PCDHGA2: variants seen among roughly 807,000 people sequenced by gnomAD.
PCDHGA2 encodes protocadherin gamma-A2.
PCDHGA2 carries 40 observed loss-of-function variants against 59.2 expected under a neutral mutation model. The observed-to-expected ratio is 0.68, with a 90% CI of 0.52 to 0.88. The LOEUF is 0.88. PCDHGA2 is among the 40% of genes least tolerant of loss of function. PCDHGA2 has a pLI of 0.00. For synonymous variants in PCDHGA2, 560 were observed against 526.0 expected, an observed-to-expected ratio of 1.06 and a Z score of -0.89; for missense variants, 1,226 against 1,204.0, an observed-to-expected ratio of 1.02 and a Z score of -0.27.
intron 2 of PCDHGA2, among the ~76,000 whole-genome samples, chr5:141,501,333 A>ACACC (rs1186649373): frequency 5.5e-4 from 77 of 140,128 alleles, no homozygotes; most frequent in African/African-American, 6.0e-4. Context: ...ACACACACAC[A>ACACC]CCCCAAACTC....
chr5:141,360,927 G>T (rs1455731700), intron 1 of PCDHGA2: 1 of 1,613,866 alleles, frequency 6.2e-7, no homozygotes, highest in African/African-American at 1.3e-5. Flanking sequence ...TGCTTCAAGT[G>T]ACAGCCACCG....
At chr5:141,355,932 G>A (rs139771811) in intron 1 of PCDHGA2, 13 of 1,613,772 alleles carry the variant, frequency 8.1e-6, no homozygotes, top group Non-Finnish European at 1.0e-5. Flanking sequence ...TGTTCACTCA[G>A]CCCGAGTACC....
At chr5:141,425,209 A>ATCAT (rs1368049572) in intron 1 of PCDHGA2, among the ~76,000 whole-genome samples, 2 of 152,180 alleles carry the variant, frequency 1.3e-5, no homozygotes, top group Admixed American at 1.3e-4. Flanking sequence ...GATGTAAGGC[A>ATCAT]TTGTACTTTG....
At chr5:141,418,630 A>G in intron 1 of PCDHGA2, 1 of 1,614,046 alleles carries the variant, frequency 6.2e-7, no homozygotes, top group Non-Finnish European at 8.5e-7. Context: ...ACGTGCCTCC[A>G]GGCACCTCCA....
intron 1 of PCDHGA2, among the ~76,000 whole-genome samples, chr5:141,438,216 T>A (rs2097938802): frequency 6.6e-6 from 1 of 152,158 alleles, no homozygotes; most frequent in Non-Finnish European, 1.5e-5. Flanking sequence ...TGGGAAGGGC[T>A]CTGGTTCAGG....
At chr5:141,371,869 T>C (rs1159672282) in intron 1 of PCDHGA2, 2 of 1,613,426 alleles carry the variant, frequency 1.2e-6, no homozygotes, top group African/African-American at 1.3e-5. Flanking sequence ...TACTACATCG[T>C]GGCCAGTGAC....
intron 1 of PCDHGA2, chr5:141,354,965 ACTCTGGGTG>A (rs1382443013): frequency 5.9e-6 from 3 of 506,296 alleles, no homozygotes; most frequent in African/African-American, 3.9e-5. Context: ...ACAGGTTAAG[ACTCTGGGTG>A]TCGCTGTTCA....
Position 141,388,565 on chromosome 5 carries a change from G to C in PCDHGA2, c.2424+47170G>C, listed in dbSNP as rs149167054. ...CTCCACCCCTAAGCAGCACTGCACAGATACACGTTCTAGTGACTGATGCCA... is the reference window on the plus strand; with the variant it reads ...CTCCACCCCTAAGCAGCACTGCACACATACACGTTCTAGTGACTGATGCCA... On this transcript the variant is annotated intron_variant, in intron 1 of 3. Transcript: ENST00000394576. The C allele has an allele frequency of 1.1e-3, 1,717 of 1,613,854 alleles. 24 individuals carry two copies. The highest frequency in any genetic ancestry group is 4.6e-4 in the Non-Finnish European group (537 of 1,179,878).
intron 1 of PCDHGA2, chr5:141,392,511 A>C (rs1368500575): frequency 4.2e-6 from 1 of 240,354 alleles, no homozygotes; most frequent in Non-Finnish European, 7.9e-6. Flanking sequence ...TTTTTTTCTC[A>C]GTAATCTAGT....
chr5:141,438,635 TACACACACACACACAC>T (rs56854727), intron 1 of PCDHGA2, among the ~76,000 whole-genome samples: 7 of 33,414 alleles, frequency 2.1e-4, no homozygotes, highest in Non-Finnish European at 3.7e-4. Flanking sequence ...TATATATATA[TACACACACACACACAC>T]ATATATGTAT....
At chr5:141,391,452 C>T (rs1004301347) in intron 1 of PCDHGA2, 13 of 152,114 alleles carry the variant, frequency 8.5e-5, no homozygotes, top group African/African-American at 3.1e-4. Context: ...AGCTGGAACT[C>T]AGGCTCATGC....
At position 141,339,165 on chromosome 5, in the gene PCDHGA2, G is replaced by T. The variant is rs868424998; in HGVS notation, c.194G>T (p.Arg65Leu). 8 of 1,613,980 alleles carry T rather than the reference G, an allele frequency of 5.0e-6. No individual in the cohort carries two copies. The highest frequency in any genetic ancestry group is 4.5e-5 in the East Asian group (2 of 44,876). The change falls in exon 1 of 4, where the codon CGC (arginine) becomes CTC (leucine). Residue 65 changes from arginine (R) to leucine (L), a missense_variant. Transcript: ENST00000394576. ...CTGGCACTGGCAGAGCAGGGAGTCC[G>T]CATCGTCTCCAGAGGTAGGTCCCAG... ...EPLALAEQGVRIVSRGRSQLF... is the reference protein window; with the variant it reads ...EPLALAEQGVLIVSRGRSQLF...
At chr5:141,350,166 A>G in intron 1 of PCDHGA2, 11 of 1,181,016 alleles carry the variant, frequency 9.3e-6, no homozygotes, top group East Asian at 2.7e-5. Context: ...CGCCTAACTA[A>G]TAAGTCCTAA....
At chr5:141,362,084 G>A (rs373978037) in intron 1 of PCDHGA2, 2 of 1,613,192 alleles carry the variant, frequency 1.2e-6, no homozygotes, top group Non-Finnish European at 1.7e-6. Flanking sequence ...CGTGATGGAG[G>A]ACAGCCGCCA....
At chr5:141,383,846 A>C (rs745543311) in intron 1 of PCDHGA2, 1 of 1,613,960 alleles carries the variant, frequency 6.2e-7, no homozygotes, top group Admixed American at 1.7e-5. Context: ...GCCTTCTATG[A>C]AATGGAGGTT....
At position 141,477,706 on chromosome 5, in the gene PCDHGA2, G is replaced by A. The variant is rs1490514142; in HGVS notation, c.2425-17101G>A. 6 of 1,613,988 alleles carry A rather than the reference G, an allele frequency of 3.7e-6. No homozygotes were observed. Among genetic ancestry groups the A allele is most frequent in the Non-Finnish European group, 5.1e-6 (6 of 1,180,044 alleles). ...TAGTGCCCCTAGACTATGAGGATCGGCGGGAATTTGAATTAACAGCTCATA... is the reference window on the plus strand; with the variant it reads ...TAGTGCCCCTAGACTATGAGGATCGACGGGAATTTGAATTAACAGCTCATA... On this transcript the variant is annotated intron_variant, in intron 1 of 3. Transcript: ENST00000394576. This position sits in a 1 kb window ranked among gnomAD's most constrained non-coding sequence, Gnocchi z 4.9.
At position 141,432,412 on chromosome 5, in the gene PCDHGA2, C is replaced by G. The variant is rs773688197; in HGVS notation, c.2425-62395C>G. 1.9e-6 allele frequency: 3 copies of G among 1,614,246 alleles called. No individual in the cohort carries two copies. The highest frequency in any genetic ancestry group is 2.2e-5 in the East Asian group (1 of 44,882). ...GCAGCAACGTGTCGTTGAGCCTGTT[C>G]GTGCTGGACCAGAACGACAATGCGC... On this transcript the variant is annotated intron_variant, in intron 1 of 3. Transcript: ENST00000394576. This position sits in a 1 kb window ranked among gnomAD's most constrained non-coding sequence, Gnocchi z 6.0.
chr5:141,466,039 A>G (rs926979550), intron 1 of PCDHGA2, among the ~76,000 whole-genome samples: 1 of 152,122 alleles, frequency 6.6e-6, no homozygotes, highest in Non-Finnish European at 1.5e-5. Context: ...GGAGAACGGC[A>G]TGAACCCAGG....
chr5:141,418,081 C>T lies in PCDHGA2; in HGVS notation c.2424+76686C>T, dbSNP rs190197904. On this transcript the variant is annotated intron_variant, in intron 1 of 3. Transcript: ENST00000394576. Reference sequence around the variant, plus strand: ...TGCGAGTGAGCGCGGAGAAGCTGCACTTCAGCGTAGACGCGCAGAGCGGGG... The same window carrying T: ...TGCGAGTGAGCGCGGAGAAGCTGCATTTCAGCGTAGACGCGCAGAGCGGGG... 331 of 1,614,072 alleles carry T rather than the reference C, an allele frequency of 2.1e-4. 3 individuals are homozygous for T. The African/African-American group carries it at 4.0e-3, about 19-fold the overall frequency.
Sources: gnomAD v4.1 joint callset for allele counts (sites outside exome capture counted in the v4.1 genomes callset) on GRCh38, gnomAD v4.1.1 for gene constraint, Gnocchi (gnomAD v3.1) non-coding constraint, MANE v1.5 for transcripts, NCBI Gene and HGNC (gene_info 2026-07-23, HGNC 2026-07-21) for gene names.